Variants in BCKDHB observed in about 807,000 individuals in gnomAD.
The protein encoded by BCKDHB is 2-oxoisovalerate dehydrogenase subunit beta, mitochondrial.
In BCKDHB, 41 loss-of-function variants were observed where a neutral mutation model predicts 48.5. The ratio of observed to expected loss-of-function variants is 0.85; its 90% CI spans 0.66 to 1.10. BCKDHB has a LOEUF of 1.10. BCKDHB is among the 50% of genes least tolerant of loss of function. The probability of loss-of-function intolerance (pLI) is 0.00; values close to 1 mark genes in which losing one functional copy is unlikely to be tolerated. For missense variants in BCKDHB, 496 were observed against 494.2 expected (o/e 1.00, Z -0.03); for synonymous variants, 201 against 174.8 (o/e 1.15, Z -1.18).
chr6:80,364,951 A>G, the BCKDHB span, among the ~76,000 whole-genome samples: 6 of 152,328 alleles, frequency 3.9e-5, no homozygotes, highest in Admixed American at 1.3e-4. Context: ...GTGACATCAC[A>G]TATCAGTACA....
the BCKDHB span, among the ~76,000 whole-genome samples, chr6:80,416,756 TTTTTTA>T: frequency 8.2e-6 from 1 of 122,278 alleles, no homozygotes; most frequent in African/African-American, 2.5e-5. Flanking sequence ...ATATTCTGGG[TTTTTTA>T]TTTTTATTTT....
At chr6:80,374,253 C>A in the BCKDHB span, 6 of 774,266 alleles carry the variant, frequency 7.7e-6, no homozygotes, top group Non-Finnish European at 1.4e-5. Flanking sequence ...TACATCTAAA[C>A]CCTTAAGTTC....
the BCKDHB span, among the ~76,000 whole-genome samples, chr6:80,413,624 A>C: frequency 6.6e-6 from 1 of 152,230 alleles, no homozygotes. Flanking sequence ...TGCAAAGAAC[A>C]TGATATCATT....
intron 3 of BCKDHB, among the ~76,000 whole-genome samples, chr6:80,145,537 T>C (rs1771440093): frequency 2.0e-5 from 3 of 152,212 alleles, no homozygotes; most frequent in Non-Finnish European, 2.9e-5. Flanking sequence ...GCTGCTCTTA[T>C]AGATATTTTG....
intron 9 of BCKDHB, among the ~76,000 whole-genome samples, chr6:80,285,479 AGTAGCATGG>A (rs986278298): frequency 4.0e-5 from 6 of 151,874 alleles, no homozygotes; most frequent in African/African-American, 1.5e-4. Context: ...TGGGAGCAAC[AGTAGCATGG>A]GTAAATCCTT....
chr6:80,421,173 A>G, the BCKDHB span, among the ~76,000 whole-genome samples: 1 of 152,002 alleles, frequency 6.6e-6, no homozygotes, highest in Non-Finnish European at 1.5e-5. Flanking sequence ...GAGAGTTCTC[A>G]TGGATCTGAT....
At chr6:80,295,299 C>T (rs1767166018) in intron 9 of BCKDHB, among the ~76,000 whole-genome samples, 2 of 152,090 alleles carry the variant, frequency 1.3e-5, no homozygotes, top group East Asian at 3.8e-4. Flanking sequence ...TGGACTTACA[C>T]TTCCACATGG....
the BCKDHB span, among the ~76,000 whole-genome samples, chr6:80,454,490 A>C: frequency 1.3e-5 from 2 of 152,186 alleles, no homozygotes; most frequent in African/African-American, 4.8e-5. Flanking sequence ...ACTCTTGAGG[A>C]TCTACACTTT....
chr6:80,281,760 A>C (rs529807203), intron 9 of BCKDHB, among the ~76,000 whole-genome samples: 9 of 151,756 alleles, frequency 5.9e-5, no homozygotes, highest in Non-Finnish European at 1.0e-4. Flanking sequence ...CCCTGTCCTC[A>C]TTCTCTCCCT....
At chr6:80,409,366 A>C in the BCKDHB span, among the ~76,000 whole-genome samples, 1 of 149,902 alleles carries the variant, frequency 6.7e-6, no homozygotes, top group Non-Finnish European at 1.5e-5. Context: ...TTGATTTGGG[A>C]TGGAGAGTTC....
chr6:80,411,409 A>C, the BCKDHB span, among the ~76,000 whole-genome samples: 1 of 152,184 alleles, frequency 6.6e-6, no homozygotes, highest in Non-Finnish European at 1.5e-5. Flanking sequence ...CAGTCAGGCT[A>C]CATGGGGTCA....
intron 8 of BCKDHB, among the ~76,000 whole-genome samples, chr6:80,256,766 C>T (rs590641): frequency 0.33 from 50,210 of 151,978 alleles, 8,872 homozygotes; most frequent in Non-Finnish European, 0.41. Context: ...TGGTTGACAT[C>T]TTATGTTGGC....
At chr6:80,342,754 ACT>A (rs748651128) in intron 9 of BCKDHB, among the ~76,000 whole-genome samples, 3 of 152,098 alleles carry the variant, frequency 2.0e-5, no homozygotes, top group Non-Finnish European at 4.4e-5. Context: ...GCACCACTGC[ACT>A]TCAGCCTGGG....
chr6:80,394,038 A>G, the BCKDHB span, among the ~76,000 whole-genome samples: 1 of 152,190 alleles, frequency 6.6e-6, no homozygotes, highest in Non-Finnish European at 1.5e-5. Flanking sequence ...CCATTTACTT[A>G]TAGAATCCAG....
chr6:80,211,837 C>T (rs1272704311), intron 8 of BCKDHB, among the ~76,000 whole-genome samples: 2 of 152,136 alleles, frequency 1.3e-5, no homozygotes, highest in Non-Finnish European at 2.9e-5. Flanking sequence ...GGGGTGACAT[C>T]ACATATCAGT....
intron 3 of BCKDHB, among the ~76,000 whole-genome samples, chr6:80,142,002 A>G (rs377065714): frequency 3.3e-5 from 5 of 152,158 alleles, no homozygotes; most frequent in African/African-American, 1.2e-4. Flanking sequence ...GAATGAGTAC[A>G]CCCTAGATAT....
At chr6:80,408,214 G>A in the BCKDHB span, among the ~76,000 whole-genome samples, 3 of 152,078 alleles carry the variant, frequency 2.0e-5, no homozygotes, top group East Asian at 5.8e-4. Context: ...TGAGTTGATT[G>A]TGGTGGATAA....
chr6:80,355,236 C>G, the BCKDHB span, among the ~76,000 whole-genome samples: 2 of 151,690 alleles, frequency 1.3e-5, no homozygotes, highest in Non-Finnish European at 2.9e-5. Context: ...CCCATCTGTA[C>G]TAAAAACACA....
the BCKDHB span, among the ~76,000 whole-genome samples, chr6:80,385,497 C>T: frequency 6.6e-6 from 1 of 152,188 alleles, no homozygotes; most frequent in Non-Finnish European, 1.5e-5. Context: ...CCAGAAGAAA[C>T]AGCTTCCCCA....
Sources: gnomAD v4.1 joint callset for allele counts (sites outside exome capture counted in the v4.1 genomes callset) on GRCh38, gnomAD v4.1.1 for gene constraint, MANE v1.5 for transcripts, NCBI Gene and HGNC (gene_info 2026-07-23, HGNC 2026-07-21) for gene names.